The following HPGD variants were observed in gnomAD, a reference collection of about 807,000 sequenced individuals.
The protein encoded by HPGD is 15-hydroxyprostaglandin dehydrogenase, also known as 15-hydroxyprostaglandin dehydrogenase [NAD(+)].
A neutral mutation model predicts 30.0 loss-of-function variants in HPGD; 29 were observed. The observed-to-expected ratio is 0.97, with a 90% CI of 0.72 to 1.32. The LOEUF (loss-of-function observed/expected upper bound fraction) is 1.32, where lower values mean the gene tolerates loss of function less well. Ranked by LOEUF, HPGD falls within the 40% of genes most tolerant of loss-of-function variation. The pLI, the probability that HPGD is intolerant of heterozygous loss-of-function variation, is 0.00. For synonymous variants in HPGD, 99 were observed against 112.4 expected, an observed-to-expected ratio of 0.88 and a Z score of 0.75; for missense variants, 340 against 322.1, an observed-to-expected ratio of 1.06 and a Z score of -0.43.
In HPGD at chr4:174,500,393, G is replaced by A. The variant is rs1316370567; in HGVS notation, c.422-4769C>T. 2.0e-5 allele frequency among the ~76,000 whole-genome samples: 3 copies of A among 152,166 alleles called. No individual in the cohort carries two copies. In the East Asian group the frequency reaches 5.8e-4, roughly 29 times the overall value. Reference sequence around the variant, plus strand: ...AACATGCAATACAATCCAACATTTAGTTCCTTGGCATTTACTCAAAGAACT... The same window carrying A: ...AACATGCAATACAATCCAACATTTAATTCCTTGGCATTTACTCAAAGAACT... On this transcript the variant is annotated intron_variant, in intron 4 of 6. Coordinates refer to ENST00000296522, the MANE Select transcript of HPGD (RefSeq NM_000860.6).
In HPGD at chr4:174,496,631, C is replaced by T. The variant is rs1229164295; in HGVS notation, c.422-1007G>A. On this transcript the variant is annotated intron_variant, in intron 4 of 6. Coordinates refer to ENST00000296522, the MANE Select transcript of HPGD (RefSeq NM_000860.6). The surrounding 1 kb of genome is among the most constrained non-coding windows in gnomAD (Gnocchi z 4.6). Reference sequence around the variant, plus strand: ...TTTGTGACTTCTCTGAGTCAAGTAACAGTGATCCCTGATTATTATACTATA... The same window carrying T: ...TTTGTGACTTCTCTGAGTCAAGTAATAGTGATCCCTGATTATTATACTATA... Among the ~76,000 whole-genome samples the T allele has an allele frequency of 6.6e-6, 1 of 152,158 alleles. No individual in the cohort carries two copies. Among genetic ancestry groups the T allele is most frequent in the East Asian group, 1.9e-4 (1 of 5,200 alleles).
At chr4:174,522,092 C>T in intron 1 of HPGD, 25 bp from the exon 2 acceptor site, 4 of 1,614,110 alleles carry the variant, frequency 2.5e-6, no homozygotes, top group East Asian at 2.2e-5. Flanking sequence ...AGAGGAATCG[C>T]GGGCCTGCGC....
intron 3 of HPGD, 144 bp downstream of exon 3, chr4:174,517,827 T>G (rs1234735178): frequency 1.7e-6 from 1 of 575,086 alleles, no homozygotes; most frequent in Non-Finnish European, 3.1e-6. Flanking sequence ...TAAAAGAAAA[T>G]GCTTTTATCC....
intron 4 of HPGD, among the ~76,000 whole-genome samples, chr4:174,498,058 C>A (rs191258207): frequency 5.3e-4 from 81 of 152,218 alleles, no homozygotes; most frequent in African/African-American, 1.8e-3. Flanking sequence ...AAGCAATCCT[C>A]CCATCTCAGC....
intron 4 of HPGD, among the ~76,000 whole-genome samples, chr4:174,503,097 C>G (rs1735002149): frequency 6.6e-6 from 1 of 152,192 alleles, no homozygotes; most frequent in Non-Finnish European, 1.5e-5. Context: ...ATCTATCCTT[C>G]AAAATGCCTC....
At chr4:174,501,695 C>T (rs139670943) in intron 4 of HPGD, among the ~76,000 whole-genome samples, 92 of 151,900 alleles carry the variant, frequency 6.1e-4, no homozygotes, top group South Asian at 2.5e-3. Context: ...ATTAGACTGA[C>T]GAAATAATAT....
At chr4:174,503,849 A>G (rs1414444631) in intron 4 of HPGD, among the ~76,000 whole-genome samples, 4 of 151,926 alleles carry the variant, frequency 2.6e-5, no homozygotes, top group Non-Finnish European at 5.9e-5. Context: ...CAGCCTCCTG[A>G]GTAGCTAGGA....
chr4:174,514,741 C>T (rs1219445560), intron 3 of HPGD, among the ~76,000 whole-genome samples: 1 of 152,076 alleles, frequency 6.6e-6, no homozygotes, highest in South Asian at 2.1e-4. Flanking sequence ...TTTTTGCAAA[C>T]GGTATGATTC....
chr4:174,516,949 T>C (rs1400708563), intron 3 of HPGD, among the ~76,000 whole-genome samples: 1 of 152,188 alleles, frequency 6.6e-6, no homozygotes, highest in East Asian at 1.9e-4. Context: ...CTTGTTTTTA[T>C]GGAGTTTATA....
In HPGD at chr4:174,494,463, A is replaced by C. The variant is rs1464314675; in HGVS notation, c.498+1085T>G. Among the ~76,000 whole-genome samples the C allele has an allele frequency of 6.6e-6, 1 of 152,196 alleles. No individual in the cohort carries two copies. Among genetic ancestry groups the C allele is most frequent in the Non-Finnish European group, 1.5e-5 (1 of 68,034 alleles). On this transcript the variant is annotated intron_variant, in intron 5 of 6. Transcript: ENST00000296522. This position sits in a 1 kb window ranked among gnomAD's most constrained non-coding sequence, Gnocchi z 4.9. ...TTTCCAGTCTTGTAATTTTAAATATAAAATTTCTGGTCTTTCAGGTTTACT... is the reference window on the plus strand; with the variant it reads ...TTTCCAGTCTTGTAATTTTAAATATCAAATTTCTGGTCTTTCAGGTTTACT...
rs1372626382 is a variant in HPGD at position 174,494,206 on chromosome 4, G to C, written c.499-892C>G. Among the ~76,000 whole-genome samples, 1 of 152,152 alleles carries C rather than the reference G, an allele frequency of 6.6e-6. No individual in the cohort carries two copies. Among genetic ancestry groups the C allele is most frequent in the African/African-American group, 2.4e-5 (1 of 41,440 alleles). ...TCAGGCATGAGTAATAAGTGCTTTAGTAATGAGTTCAATGTTCATACAACC... is the reference window on the plus strand; with the variant it reads ...TCAGGCATGAGTAATAAGTGCTTTACTAATGAGTTCAATGTTCATACAACC... On this transcript the variant is annotated intron_variant, in intron 5 of 6. Transcript: ENST00000296522. This position sits in a 1 kb window ranked among gnomAD's most constrained non-coding sequence, Gnocchi z 4.9.
chr4:174,518,413 G>A (rs1291077200), intron 2 of HPGD, among the ~76,000 whole-genome samples: 1 of 152,176 alleles, frequency 6.6e-6, no homozygotes, highest in Non-Finnish European at 1.5e-5. Flanking sequence ...ACTGAGCTAA[G>A]ATCCTAAGCT....
chr4:174,497,545 C>T (rs1419839371), intron 4 of HPGD, among the ~76,000 whole-genome samples: 1 of 83,216 alleles, frequency 1.2e-5, no homozygotes, highest in Non-Finnish European at 2.7e-5. Flanking sequence ...ATTGCTTTCA[C>T]TTTCTTTTCT....
chr4:174,502,051 A>C (rs1487367009), intron 4 of HPGD, among the ~76,000 whole-genome samples: 1 of 152,204 alleles, frequency 6.6e-6, no homozygotes, highest in African/African-American at 2.4e-5. Flanking sequence ...GGTGAATCTA[A>C]GGATGCTGAT....
At chr4:174,505,783 G>T (rs982018794) in intron 4 of HPGD, among the ~76,000 whole-genome samples, 9 of 152,028 alleles carry the variant, frequency 5.9e-5, no homozygotes, top group Non-Finnish European at 1.2e-4. Context: ...ACGAAGAGAG[G>T]GTGCCAAGGA....
Position 174,491,701 on chromosome 4 carries a change from T to G in HPGD, c.*255A>C, listed in dbSNP as rs1734351572. The G allele has an allele frequency of 2.3e-6, 1 of 428,094 alleles. No homozygotes were observed. The highest frequency in any genetic ancestry group is 3.8e-5 in the Admixed American group (1 of 26,666). The allele number at this position is 428,094 out of a possible 1,614,324, so 26.5% of individuals were successfully genotyped here. A position where few individuals can be genotyped will look rare whatever the true frequency, so the allele number is the denominator to read the frequency against. On this transcript the variant is annotated 3_prime_UTR_variant, in exon 7 of 7. Coordinates refer to ENST00000296522, the MANE Select transcript of HPGD (RefSeq NM_000860.6). The stretch of plus-strand genomic sequence containing the variant: ...TGAAAGGCAGAATATTGAATATTCC[T>G]TGAAAATCATTTGTTTTGATCATTT...
intron 6 of HPGD, 132 bp downstream of exon 6, chr4:174,493,019 G>C: frequency 1.3e-6 from 1 of 768,158 alleles, no homozygotes. Flanking sequence ...CTCCCAGAGA[G>C]TTTGCCAAAC....
Position 174,508,743 on chromosome 4 carries a change from TG to T in HPGD, c.373del (p.Gln125LysfsTer15), listed in dbSNP as rs1735312842. Reference sequence around the variant, plus strand: ...AATGATGCCGCCTTCACCTCCATTTTGCTTACTCATGTAATCCAAACCAAGA... The same window carrying T: ...AATGATGCCGCCTTCACCTCCATTTTCTTACTCATGTAATCCAAACCAAGA... ...TYLGLDYMSK[Q>X]NGGEGGIIIN... On this transcript the variant is annotated frameshift_variant, in exon 4 of 7. Transcript: ENST00000296522. LOFTEE classifies it high-confidence loss of function. The T allele has an allele frequency of 3.1e-6, 5 of 1,611,490 alleles. No individual in the cohort carries two copies. Among genetic ancestry groups the T allele is most frequent in the Non-Finnish European group, 3.4e-6 (4 of 1,177,844 alleles).
intron 4 of HPGD, among the ~76,000 whole-genome samples, chr4:174,497,517 C>A (rs866512214): frequency 2.7e-5 from 4 of 147,246 alleles, no homozygotes; most frequent in Non-Finnish European, 3.0e-5. Flanking sequence ...TGCTATTCTG[C>A]AAAATGTTTA....
Sources: gnomAD v4.1 joint callset for allele counts (sites outside exome capture counted in the v4.1 genomes callset) on GRCh38, gnomAD v4.1.1 for gene constraint, Gnocchi (gnomAD v3.1) non-coding constraint, MANE v1.5 for transcripts, NCBI Gene and HGNC (gene_info 2026-07-23, HGNC 2026-07-21) for gene names.